The following MINDY2 variants were observed in gnomAD, a reference collection of about 807,000 sequenced individuals.
MINDY2 encodes ubiquitin carboxyl-terminal hydrolase MINDY-2.
In MINDY2, 52 loss-of-function variants were observed where a neutral mutation model predicts 68.2. That is an observed-to-expected ratio of 0.76 (90% CI 0.61 to 0.96). The LOEUF (loss-of-function observed/expected upper bound fraction) is 0.96. MINDY2 is among the 40% of genes least tolerant of loss of function. The pLI is 0.00. For missense variants in MINDY2, 881 were observed against 773.4 expected (o/e 1.14, Z -1.65); for synonymous variants, 372 against 303.0 (o/e 1.23, Z -2.36).
At position 58,793,309 on chromosome 15, in the gene MINDY2, G is replaced by A. The variant is rs189963029; in HGVS notation, c.898+5346G>A. Among the ~76,000 whole-genome samples the A allele has an allele frequency of 5.5e-3, 838 of 151,858 alleles. 4 individuals carry two copies. The highest frequency in any genetic ancestry group is 0.014 in the Middle Eastern group (4 of 294). On this transcript the variant is annotated intron_variant, in intron 2 of 8. Transcript: ENST00000559228. ...CTACTAAAAATACAAAAAATTAGTC[G>A]GGTGTGGTGGCACATGCCTGTAGTC...
intron 7 of MINDY2, among the ~76,000 whole-genome samples, chr15:58,848,859 T>G (rs1312395950): frequency 2.0e-5 from 3 of 152,230 alleles, no homozygotes; most frequent in Non-Finnish European, 2.9e-5. Context: ...TACAGGGGTG[T>G]TGTTTTTTAA....
At chr15:58,796,673 C>T (rs899058999) in intron 2 of MINDY2, among the ~76,000 whole-genome samples, 1 of 152,174 alleles carries the variant, frequency 6.6e-6, no homozygotes, top group Non-Finnish European at 1.5e-5. Flanking sequence ...ATAGGCACCG[C>T]CACCATGCCC....
intron 5 of MINDY2, among the ~76,000 whole-genome samples, chr15:58,824,198 A>G (rs904230529): frequency 1.3e-5 from 2 of 152,322 alleles, no homozygotes; most frequent in South Asian, 2.1e-4. Context: ...ATGAACAAAA[A>G]AATCAGTTCC....
chr15:58,823,362 T>G (rs1220348190), intron 5 of MINDY2, among the ~76,000 whole-genome samples: 5 of 151,932 alleles, frequency 3.3e-5, no homozygotes, highest in African/African-American at 1.2e-4. Context: ...ATTCTTCTAC[T>G]TGCAGTAAAC....
intron 2 of MINDY2, among the ~76,000 whole-genome samples, chr15:58,795,304 T>C (rs557422160): frequency 7.9e-5 from 12 of 152,352 alleles, no homozygotes; most frequent in Admixed American, 7.2e-4. Context: ...GTTTCAACTT[T>C]CTTTTCGTTA....
At chr15:58,808,755 C>A (rs927323621) in intron 3 of MINDY2, among the ~76,000 whole-genome samples, 13 of 152,230 alleles carry the variant, frequency 8.5e-5, no homozygotes, top group African/African-American at 3.1e-4. Context: ...CAGGTGCCCA[C>A]CACCATGCCC....
chr15:58,846,691 CG>C (rs2032555226), intron 6 of MINDY2, among the ~76,000 whole-genome samples: 1 of 151,282 alleles, frequency 6.6e-6, no homozygotes, highest in South Asian at 2.1e-4. Context: ...TTTGTATGCA[CG>C]TACAGAGTTT....
At chr15:58,839,346 T>G (rs72745042) in intron 6 of MINDY2, among the ~76,000 whole-genome samples, 3,423 of 87,484 alleles carry the variant, frequency 0.039, 55 homozygotes, top group Admixed American at 0.051. Flanking sequence ...TTGTTTGTTT[T>G]TTTGAGATGA....
At chr15:58,774,096 G>A (rs1900615291) in intron 1 of MINDY2, among the ~76,000 whole-genome samples, 1 of 152,126 alleles carries the variant, frequency 6.6e-6, no homozygotes, top group Non-Finnish European at 1.5e-5. Flanking sequence ...GAGTATTTGG[G>A]GATAGATGCA....
At chr15:58,783,109 C>G (rs547868392) in intron 1 of MINDY2, among the ~76,000 whole-genome samples, 1 of 151,620 alleles carries the variant, frequency 6.6e-6, no homozygotes, top group Admixed American at 6.6e-5. Context: ...TTAGTAGAGA[C>G]GGGATTTCAC....
chr15:58,787,521 A>G (rs1315202475), intron 1 of MINDY2, among the ~76,000 whole-genome samples: 3 of 151,912 alleles, frequency 2.0e-5, no homozygotes, highest in African/African-American at 7.3e-5. Flanking sequence ...GTGGATCAGA[A>G]GGTTAGGAGA....
intron 6 of MINDY2, among the ~76,000 whole-genome samples, chr15:58,843,445 C>T (rs1394427268): frequency 6.6e-6 from 1 of 152,078 alleles, no homozygotes. Context: ...GCCACCACAC[C>T]CGACCTAGAG....
Position 58,821,686 on chromosome 15 carries a change from A to G in MINDY2, c.1123-31A>G, listed in dbSNP as rs1457984562. 2.9e-6 allele frequency: 4 copies of G among 1,367,974 alleles called. No individual in the cohort carries two copies. The East Asian group carries it at 7.7e-5, about 26-fold the overall frequency. 84.7% of individuals were successfully genotyped at this position (1,367,974 alleles called of 1,614,324 possible). On this transcript the variant is annotated intron_variant, in intron 4 of 8. Coordinates refer to ENST00000559228, the MANE Select transcript of MINDY2 (RefSeq NM_001040450.3). ...CTTTTGTTTTGTTCCTAATCTTACC[A>G]TGATTAGTGAGACAGTCATTTGTTT...
At chr15:58,779,079 T>A (rs927310924) in intron 1 of MINDY2, among the ~76,000 whole-genome samples, 5 of 151,558 alleles carry the variant, frequency 3.3e-5, no homozygotes, top group Non-Finnish European at 1.5e-5. Flanking sequence ...TTTTTTTCTC[T>A]TTAGAGATGT....
intron 3 of MINDY2, among the ~76,000 whole-genome samples, chr15:58,802,748 A>T (rs1902751514): frequency 6.6e-6 from 1 of 152,142 alleles, no homozygotes; most frequent in South Asian, 2.1e-4. Context: ...CAATTAAGTT[A>T]TGTTCAGGAG....
intron 1 of MINDY2, among the ~76,000 whole-genome samples, chr15:58,778,190 T>TA (rs2140895414): frequency 6.6e-6 from 1 of 152,264 alleles, no homozygotes; most frequent in Admixed American, 6.5e-5. Context: ...AACTTACATG[T>TA]AACCTATACT....
intron 2 of MINDY2, among the ~76,000 whole-genome samples, chr15:58,799,295 C>T (rs1046457040): frequency 2.6e-5 from 4 of 152,130 alleles, no homozygotes; most frequent in Admixed American, 6.6e-5. Flanking sequence ...CGGCTGGGCG[C>T]GGTGGCTCAC....
chr15:58,793,770 A>C (rs138620929), intron 2 of MINDY2, among the ~76,000 whole-genome samples: 1 of 152,158 alleles, frequency 6.6e-6, no homozygotes, highest in Non-Finnish European at 1.5e-5. Context: ...GAGTGCTTCT[A>C]TTTTCTCAAT....
Position 58,847,435 on chromosome 15 carries a change from A to G in MINDY2, c.1507A>G (p.Thr503Ala), listed in dbSNP as rs141230922. 1.2e-5 allele frequency: 19 copies of G among 1,600,492 alleles called. No homozygotes were observed. In the African/African-American group the frequency reaches 2.4e-4, roughly 20 times the overall value. ...FHLRPPSDPE[T>A]VYKGQQDQID... The stretch of plus-strand genomic sequence containing the variant: ...TCTTCGACCTCCTTCAGATCCTGAA[A>G]CTGTATACAAAGGACAACAAGATCA... The change falls in exon 7 of 9, where the codon ACT becomes GCT. Residue 503 changes from threonine (T) to alanine (A), a missense_variant. Physicochemically the swap from Thr to Ala is moderately conservative, Grantham distance 58. Transcript: ENST00000559228.
Sources: allele counts gnomAD v4.1 joint callset (sites outside exome capture counted in the v4.1 genomes callset), GRCh38; gene constraint gnomAD v4.1.1; transcripts MANE v1.5; gene names NCBI Gene and HGNC (gene_info 2026-07-23, HGNC 2026-07-21).